Variants in CSMD1 observed in about 807,000 individuals in gnomAD.
The protein encoded by CSMD1 is CUB and sushi domain-containing protein 1.
CSMD1 carries 213 observed loss-of-function variants against 417.5 expected under a neutral mutation model. The observed-to-expected ratio is 0.51, with a 90% confidence interval of 0.46 to 0.57. The LOEUF is 0.57. Among genes scored for constraint, CSMD1 ranks in the 20% least tolerant of loss-of-function variants. The pLI, the probability that CSMD1 is intolerant of heterozygous loss-of-function variation, is 0.00. For synonymous variants in CSMD1, 2,862 were observed against 1,736.8 expected, an observed-to-expected ratio of 1.65 and a Z score of -16.11; for missense variants, 6,923 against 4,529.7, an observed-to-expected ratio of 1.53 and a Z score of -15.17.
chr8:4,723,292 C>A (rs1673272), intron 1 of CSMD1, among the ~76,000 whole-genome samples: 132,697 of 152,178 alleles, frequency 0.87, 57,974 homozygotes, highest in African/African-American at 0.92. Context: ...AACTGGGAAT[C>A]ATCCAATTAC....
chr8:3,317,312 G>A (rs1178725756), intron 23 of CSMD1, among the ~76,000 whole-genome samples: 2 of 152,312 alleles, frequency 1.3e-5, no homozygotes, highest in Admixed American at 6.5e-5. Flanking sequence ...AGCACAGAGC[G>A]AGACAATCTC....
chr8:3,754,437 T>C (rs898689640), intron 5 of CSMD1, among the ~76,000 whole-genome samples: 1 of 130,326 alleles, frequency 7.7e-6, no homozygotes, highest in African/African-American at 3.0e-5. Flanking sequence ...TAATTCCTTA[T>C]TTATTTATTT....
rs1363275299 is a variant in CSMD1 at position 4,891,333 on chromosome 8, C to T, written c.85+102999G>A. On this transcript the variant is annotated intron_variant, in intron 1 of 69. Transcript: ENST00000635120. ...TAACAATGTAACCTTACTTGAAAGACTGAAGTTTATTGAAGTGAATTAGAG... is the reference window on the plus strand; with the variant it reads ...TAACAATGTAACCTTACTTGAAAGATTGAAGTTTATTGAAGTGAATTAGAG... 2.0e-5 allele frequency among the ~76,000 whole-genome samples: 3 copies of T among 152,250 alleles called. No individual in the cohort carries two copies. In the South Asian group the frequency reaches 6.2e-4, roughly 32 times the overall value.
intron 1 of CSMD1, among the ~76,000 whole-genome samples, chr8:4,849,231 G>T (rs1386685792): frequency 6.6e-6 from 1 of 151,310 alleles, no homozygotes; most frequent in Non-Finnish European, 1.5e-5. Context: ...AAGCTATAAA[G>T]AAAGAAAATA....
At chr8:4,894,083 C>T (rs1804314084) in intron 1 of CSMD1, among the ~76,000 whole-genome samples, 2 of 151,986 alleles carry the variant, frequency 1.3e-5, no homozygotes, top group African/African-American at 4.8e-5. Flanking sequence ...TTTTAACTAG[C>T]TTACCAAAAG....
intron 1 of CSMD1, among the ~76,000 whole-genome samples, chr8:4,807,930 T>C (rs1798683827): frequency 6.6e-6 from 1 of 152,214 alleles, no homozygotes; most frequent in Non-Finnish European, 1.5e-5. Flanking sequence ...ACTGCTTTTC[T>C]AAATTCAATA....
intron 57 of CSMD1, 148 bp downstream of exon 57, chr8:2,972,969 T>C (rs1585074493): frequency 2.7e-6 from 2 of 752,320 alleles, no homozygotes; most frequent in East Asian, 2.8e-5. Context: ...TGATTTCTGA[T>C]GATGCTTCCA....
At chr8:3,155,200 T>C (rs751031070) in intron 39 of CSMD1, among the ~76,000 whole-genome samples, 23 of 151,994 alleles carry the variant, frequency 1.5e-4, no homozygotes, top group Admixed American at 6.6e-4. Context: ...TTAGAATTGA[T>C]TTCATTGTGA....
chr8:3,678,088 C>G (rs1799472187), intron 7 of CSMD1, among the ~76,000 whole-genome samples: 1 of 152,114 alleles, frequency 6.6e-6, no homozygotes. Flanking sequence ...CAGCTCCAGT[C>G]TACAGCTCCC....
chr8:4,369,664 G>C (rs892722412), intron 3 of CSMD1, among the ~76,000 whole-genome samples: 1 of 152,140 alleles, frequency 6.6e-6, no homozygotes, highest in African/African-American at 2.4e-5. Flanking sequence ...TTGTCTTCTT[G>C]TTGAGTTGAG....
At chr8:3,423,798 A>C (rs1252629415) in intron 12 of CSMD1, among the ~76,000 whole-genome samples, 1 of 152,160 alleles carries the variant, frequency 6.6e-6, no homozygotes, top group Non-Finnish European at 1.5e-5. Context: ...CTTTTTGGTG[A>C]ATGGGTACTC....
chr8:4,145,979 G>A (rs1484851645), intron 3 of CSMD1, among the ~76,000 whole-genome samples: 2 of 150,876 alleles, frequency 1.3e-5, no homozygotes, highest in African/African-American at 5.0e-5. Flanking sequence ...TTTGTAGACA[G>A]GGTGCAAATT....
chr8:4,109,118 A>ATTAT (rs1316345627), intron 3 of CSMD1, among the ~76,000 whole-genome samples: 4 of 152,176 alleles, frequency 2.6e-5, no homozygotes, highest in African/African-American at 9.6e-5. Context: ...TCATCTCTAG[A>ATTAT]TTATTTATAA....
intron 51 of CSMD1, among the ~76,000 whole-genome samples, chr8:3,025,963 T>C (rs1249470299): frequency 6.6e-6 from 1 of 152,110 alleles, no homozygotes; most frequent in Non-Finnish European, 1.5e-5. Context: ...TGGGGTCCAG[T>C]GGTAGGCAGA....
At chr8:4,783,338 C>T (rs1025093831) in intron 1 of CSMD1, among the ~76,000 whole-genome samples, 1 of 152,128 alleles carries the variant, frequency 6.6e-6, no homozygotes, top group African/African-American at 2.4e-5. Context: ...AGACCCGCAG[C>T]GCCACAGCCT....
intron 51 of CSMD1, among the ~76,000 whole-genome samples, chr8:3,019,754 C>T (rs1440429998): frequency 6.6e-6 from 1 of 152,228 alleles, no homozygotes; most frequent in African/African-American, 2.4e-5. Flanking sequence ...TGGTCACCCT[C>T]ATTATATATT....
chr8:3,919,607 G>C (rs1341413329), intron 5 of CSMD1, among the ~76,000 whole-genome samples: 2 of 151,858 alleles, frequency 1.3e-5, no homozygotes, highest in Non-Finnish European at 2.9e-5. Context: ...AGATTGCTTT[G>C]GTTATCTCTG....
rs1802667446 is a variant in CSMD1, at chr8:3,280,707, G to C, written c.4153+3437C>G. On this transcript the variant is annotated intron_variant, in intron 26 of 69. Transcript: ENST00000635120. The stretch of plus-strand genomic sequence containing the variant: ...CATATGATTCAAACTAGTACACATG[G>C]AAAACTGAGTAAAAAATAGTAATTG... Among the ~76,000 whole-genome samples the C allele has an allele frequency of 5.9e-5, 6 of 102,322 alleles. 1 individual carries two copies. The South Asian group carries it at 2.0e-3, about 34-fold the overall frequency. 67.1% of individuals were successfully genotyped at this position (102,322 alleles called of 152,430 possible).
At chr8:3,245,756 C>T (rs775843978) in intron 26 of CSMD1, among the ~76,000 whole-genome samples, 5 of 152,140 alleles carry the variant, frequency 3.3e-5, no homozygotes, top group Non-Finnish European at 7.4e-5. Flanking sequence ...GGATCTAGAA[C>T]GGACTATGTG....
Sources: allele counts gnomAD v4.1 joint callset (sites outside exome capture counted in the v4.1 genomes callset), GRCh38; gene constraint gnomAD v4.1.1; transcripts MANE v1.5; gene names NCBI Gene and HGNC (gene_info 2026-07-23, HGNC 2026-07-21).